Variants in PNPLA7 observed in about 807,000 individuals in gnomAD.
PNPLA7 encodes patatin-like phospholipase domain-containing protein 7.
In PNPLA7, 153 loss-of-function variants were observed where a neutral mutation model predicts 161.7. That is an observed-to-expected ratio of 0.95 (90% CI 0.83 to 1.08). PNPLA7 has a LOEUF of 1.08. PNPLA7 is among the 50% of genes least tolerant of loss of function. PNPLA7 has a pLI of 0.00. For missense variants in PNPLA7, 1,739 were observed against 1,856.6 expected (o/e 0.94, Z 1.16); for synonymous variants, 809 against 782.1 (o/e 1.03, Z -0.57).
chr9:137,473,172 T>C (rs1831791419), intron 25 of PNPLA7, among the ~76,000 whole-genome samples: 1 of 152,024 alleles, frequency 6.6e-6, no homozygotes, highest in Non-Finnish European at 1.5e-5. Flanking sequence ...TTCAATTACC[T>C]CCCACCAGGT....
At chr9:137,529,931 T>C (rs1835497633) in intron 8 of PNPLA7, among the ~76,000 whole-genome samples, 1 of 151,888 alleles carries the variant, frequency 6.6e-6, no homozygotes, top group African/African-American at 2.4e-5. Flanking sequence ...AGTGCTGGGA[T>C]TACAGGTGTG....
Position 137,546,918 on chromosome 9 carries a change from G to T in PNPLA7, c.194-9C>A. 1 of 1,613,506 alleles carries T rather than the reference G, an allele frequency of 6.2e-7. No individual in the cohort carries two copies. Among genetic ancestry groups the T allele is most frequent in the Non-Finnish European group, 8.5e-7 (1 of 1,179,778 alleles). On this transcript the variant is annotated splice_polypyrimidine_tract_variant and intron_variant, in intron 3 of 34. Transcript: ENST00000406427. ...AGTGGGCTGTGCTTGTCCTGCAGGG[G>T]AGTAAAGGGATGGCCTGAGGTAGAG...
intron 25 of PNPLA7, among the ~76,000 whole-genome samples, chr9:137,472,780 C>G (rs1358111790): frequency 6.6e-6 from 1 of 151,546 alleles, no homozygotes; most frequent in East Asian, 1.9e-4. Context: ...CATGGTGAAA[C>G]CCGGTCTCTA....
In PNPLA7 at chr9:137,495,039, G is replaced by T. The variant is rs746359760; in HGVS notation, c.2121C>A (p.Tyr707Ter). ...AGALTSIKRR[Y>*]PQVVTRLIHL... is the part of the protein sequence containing the mutation. ...TCACCCACGCCATGCTCACCTGTGG[G>T]TACCTGCGCTTGATGGACGTGAGGG... Residue 707 changes from tyrosine to a stop codon, truncating the protein, a stop_gained, in exon 19 of 35, where the codon TAC becomes TAA. Coordinates refer to ENST00000406427, the MANE Select transcript of PNPLA7 (RefSeq NM_001098537.3). LOFTEE classifies it high-confidence loss of function. 14 of 1,608,856 alleles carry T rather than the reference G, an allele frequency of 8.7e-6. No homozygotes were observed. In the African/African-American group the frequency reaches 1.6e-4, roughly 18 times the overall value.
Position 137,543,265 on chromosome 9 carries a change from C to T in PNPLA7, c.506+167G>A, listed in dbSNP as rs1291718500. ...GAACAAGAAAGATCTGGTGAAGGAG[C>T]CAGCAGACCACGAGGCCCCGCCACG... On this transcript the variant is annotated intron_variant, in intron 6 of 34. Coordinates refer to ENST00000406427, the MANE Select transcript of PNPLA7 (RefSeq NM_001098537.3). The surrounding 1 kb of genome is among the most constrained non-coding windows in gnomAD (Gnocchi z 6.9). 1.3e-5 allele frequency among the ~76,000 whole-genome samples: 2 copies of T among 152,196 alleles called. No homozygotes were observed. The highest frequency in any genetic ancestry group is 4.8e-5 in the African/African-American group (2 of 41,450).
At chr9:137,472,983 C>T (rs1159248535) in intron 25 of PNPLA7, among the ~76,000 whole-genome samples, 1 of 151,992 alleles carries the variant, frequency 6.6e-6, no homozygotes, top group Non-Finnish European at 1.5e-5. Context: ...GTTTAATGGA[C>T]TCACAGTTCC....
rs779954313 is a variant in PNPLA7 at position 137,493,088 on chromosome 9, G to A, written c.2128-6C>T. On this transcript the variant is annotated splice_polypyrimidine_tract_variant and splice_region_variant and intron_variant, in intron 19 of 34. Transcript: ENST00000406427. ...TGAATCAGCCGAGTCACCACCTGCG[G>A]GCAGACACAGGAGCCAAGAGCCACA... is the stretch of plus-strand genomic sequence containing the variant. 7 of 1,613,714 alleles carry A rather than the reference G, an allele frequency of 4.3e-6. No individual in the cohort carries two copies. Among genetic ancestry groups the A allele is most frequent in the African/African-American group, 4.0e-5 (3 of 74,916 alleles).
chr9:137,547,556 CT>C lies in PNPLA7; in HGVS notation c.105+28del, dbSNP rs1221009356. 4 of 1,612,358 alleles carry C rather than the reference CT, an allele frequency of 2.5e-6. No homozygotes were observed. The highest frequency in any genetic ancestry group is 3.4e-6 in the Non-Finnish European group (4 of 1,179,226). ...GAAAAAGGCCACGGCCCATCCAGGT[CT>C]GGCTCCAGGGAAGCGTGAGGTGATT... is the stretch of plus-strand genomic sequence containing the variant. On this transcript the variant is annotated intron_variant, in intron 2 of 34. Transcript: ENST00000406427. The surrounding 1 kb of genome is among the most constrained non-coding windows in gnomAD (Gnocchi z 4.6).
At chr9:137,470,077 G>A (rs1831641478) in intron 25 of PNPLA7, among the ~76,000 whole-genome samples, 1 of 152,026 alleles carries the variant, frequency 6.6e-6, no homozygotes, top group Non-Finnish European at 1.5e-5. Context: ...AGGCTGGAGT[G>A]CAGCGGTGTG....
chr9:137,517,205 C>CTCA (rs1200561225), intron 11 of PNPLA7, among the ~76,000 whole-genome samples: 2 of 134,580 alleles, frequency 1.5e-5, no homozygotes, highest in African/African-American at 2.8e-5. Flanking sequence ...CACTCCATCC[C>CTCA]CCGTCACTCA....
rs1158475956 is a variant in PNPLA7 at position 137,550,269 on chromosome 9, C to T, written c.-72G>A. Reference sequence around the variant, plus strand: ...AAGCAAACAAGGGCACACCTCTACCCGCTCATGCTCACACCTGGACACTTT... The same window carrying T: ...AAGCAAACAAGGGCACACCTCTACCTGCTCATGCTCACACCTGGACACTTT... On this transcript the variant is annotated 5_prime_UTR_variant, in exon 1 of 35. Coordinates refer to ENST00000406427, the MANE Select transcript of PNPLA7 (RefSeq NM_001098537.3). The T allele has an allele frequency of 3.3e-6, 5 of 1,533,394 alleles. No homozygotes were observed. The African/African-American group carries it at 4.1e-5, about 13-fold the overall frequency. 95.0% of individuals were successfully genotyped at this position (1,533,394 alleles called of 1,614,324 possible).
At position 137,540,939 on chromosome 9, in the gene PNPLA7, G is replaced by A; in HGVS notation, c.667-217C>T. ...GAAGCGGCAGCAAGGAAAACAGACG[G>A]AGGAGACCCCACCTCTCCATCCCAT... On this transcript the variant is annotated intron_variant, in intron 7 of 34. Transcript: ENST00000406427. The surrounding 1 kb of genome is among the most constrained non-coding windows in gnomAD (Gnocchi z 5.1). The A allele has an allele frequency of 1.9e-6, 1 of 525,410 alleles. No individual in the cohort carries two copies. Among genetic ancestry groups the A allele is most frequent in the East Asian group, 3.4e-5 (1 of 29,694 alleles). 32.5% of individuals were successfully genotyped at this position (525,410 alleles called of 1,614,324 possible).
intron 33 of PNPLA7, chr9:137,460,976 C>T: frequency 3.9e-6 from 2 of 519,222 alleles, no homozygotes; most frequent in South Asian, 2.1e-5. Context: ...AAGGAGCGGG[C>T]AGACACTCCT....
intron 20 of PNPLA7, among the ~76,000 whole-genome samples, chr9:137,489,551 G>A (rs1275662377): frequency 5.3e-5 from 8 of 152,148 alleles, no homozygotes; most frequent in African/African-American, 9.7e-5. Context: ...AAAAACGACC[G>A]CATGTCACAG....
At chr9:137,533,464 T>C (rs1463601438) in intron 8 of PNPLA7, among the ~76,000 whole-genome samples, 2,064 of 55,470 alleles carry the variant, frequency 0.037, no homozygotes, top group Middle Eastern at 0.088. Flanking sequence ...CTCCCAGAAT[T>C]CTCCACAACA....
At chr9:137,527,615 T>G (rs961182119) in intron 8 of PNPLA7, among the ~76,000 whole-genome samples, 6 of 152,224 alleles carry the variant, frequency 3.9e-5, no homozygotes, top group Non-Finnish European at 8.8e-5. Context: ...CTGATCATGA[T>G]GTATTATCCT....
chr9:137,503,901 G>C (rs1336288519), intron 14 of PNPLA7, among the ~76,000 whole-genome samples: 2 of 92,426 alleles, frequency 2.2e-5, no homozygotes, highest in Admixed American at 1.3e-4. Context: ...AGAAGAAGAA[G>C]GAAGAAGAAA....
chr9:137,513,381 C>G (rs1013862583), intron 12 of PNPLA7, among the ~76,000 whole-genome samples: 2 of 150,782 alleles, frequency 1.3e-5, no homozygotes, highest in South Asian at 4.2e-4. Context: ...TAGGCTGAGG[C>G]AGGAGAATCA....
At position 137,462,115 on chromosome 9, in the gene PNPLA7, C is replaced by T. The variant is rs566881501; in HGVS notation, c.3645+64G>A. The T allele has an allele frequency of 4.4e-5, 67 of 1,517,228 alleles. No homozygotes were observed. The Admixed American group carries it at 1.1e-3, about 24-fold the overall frequency. 94.0% of individuals were successfully genotyped at this position (1,517,228 alleles called of 1,614,324 possible). On this transcript the variant is annotated intron_variant, in intron 31 of 34. Coordinates refer to ENST00000406427, the MANE Select transcript of PNPLA7 (RefSeq NM_001098537.3). ...TTCCTGTGTTCTCAAAAGGGGGAAG[C>T]GAGGAGGGGCAGCCACCAGAGTGCC...
Sources: allele counts gnomAD v4.1 joint callset (sites outside exome capture counted in the v4.1 genomes callset), GRCh38; gene constraint gnomAD v4.1.1; non-coding constraint Gnocchi (gnomAD v3.1); transcripts MANE v1.5; gene names NCBI Gene and HGNC (gene_info 2026-07-23, HGNC 2026-07-21).